Variants in NCEH1 observed in about 807,000 individuals in gnomAD.
The protein encoded by NCEH1 is neutral cholesterol ester hydrolase 1.
NCEH1 carries 9 observed loss-of-function variants against 25.4 expected under a neutral mutation model. The observed-to-expected ratio is 0.35, with a 90% CI of 0.21 to 0.62. The LOEUF is 0.62. NCEH1 is among the 20% of genes least tolerant of loss of function. The probability of loss-of-function intolerance (pLI) is 0.72; values close to 1 mark genes in which losing one functional copy is unlikely to be tolerated. For missense variants in NCEH1, 412 were observed against 501.1 expected, an observed-to-expected ratio of 0.82 and a Z score of 1.70; for synonymous variants, 200 against 199.8, an observed-to-expected ratio of 1.00 and a Z score of -0.01.
chr3:172,655,326 G>A (rs977568499), intron 1 of NCEH1, among the ~76,000 whole-genome samples: 1 of 152,208 alleles, frequency 6.6e-6, no homozygotes, highest in African/African-American at 2.4e-5. Flanking sequence ...GGGAATAAGG[G>A]TACTCATTAC....
rs373060548 is a variant in NCEH1 at position 172,651,326 on chromosome 3, T to A, written c.139-3212A>T. Among the ~76,000 whole-genome samples the A allele has an allele frequency of 5.3e-5, 8 of 152,336 alleles. No individual in the cohort carries two copies. In the East Asian group the frequency reaches 1.5e-3, roughly 29 times the overall value. On this transcript the variant is annotated intron_variant, in intron 1 of 4. Coordinates refer to ENST00000475381, the MANE Select transcript of NCEH1 (RefSeq NM_020792.6). Reference sequence around the variant, plus strand: ...TATCCAGTATGCGATAACATTTGCATGTCTATATGATATCAATGACAAACT... The same window carrying A: ...TATCCAGTATGCGATAACATTTGCAAGTCTATATGATATCAATGACAAACT...
chr3:172,658,146 A>G (rs1329310449), intron 1 of NCEH1, among the ~76,000 whole-genome samples: 3 of 152,156 alleles, frequency 2.0e-5, no homozygotes, highest in African/African-American at 7.2e-5. Context: ...CAAAACCAAG[A>G]TGGCAATGAG....
Position 172,636,078 on chromosome 3 carries a change from T to C in NCEH1, c.447A>G (p.Leu149=), listed in dbSNP as rs1178971903. ...GCTCAGGAAAATAAACCTTTGGAAC[T>C]AGCCTGTATCTGTAAAAACAAAAGT... ...NAVIVSIEYR[L]VPKVYFPEQI... Residue 149 remains leucine (L), a synonymous_variant, in exon 4 of 5, where the codon CTA becomes CTG. Coordinates refer to ENST00000475381, the MANE Select transcript of NCEH1 (RefSeq NM_020792.6). The C allele has an allele frequency of 1.2e-6, 2 of 1,612,892 alleles. No individual in the cohort carries two copies. Among genetic ancestry groups the C allele is most frequent in the South Asian group, 1.1e-5 (1 of 90,862 alleles).
At chr3:172,686,747 T>C (rs1398191294) in intron 1 of NCEH1, among the ~76,000 whole-genome samples, 1 of 152,190 alleles carries the variant, frequency 6.6e-6, no homozygotes, top group Non-Finnish European at 1.5e-5. Context: ...CATGCTAAAC[T>C]TTCCGCACTT....
intron 1 of NCEH1, among the ~76,000 whole-genome samples, chr3:172,702,374 C>T (rs1395963591): frequency 6.6e-6 from 1 of 152,188 alleles, no homozygotes; most frequent in Non-Finnish European, 1.5e-5. Flanking sequence ...TCCCCAGTGC[C>T]CAGGTCCACT....
chr3:172,710,874 G>A lies in NCEH1; in HGVS notation c.111C>T (p.Asp37=). The A allele has an allele frequency of 6.2e-7, 1 of 1,614,126 alleles. No homozygotes were observed. ...VSDPWKLMLL[D]ATFRGAQQVS... is the part of the protein sequence containing the mutation. ...CTTGCTGTGCACCCCGGAAAGTGGC[G>A]TCCAGCAGCATCAGCTTCCAGGGGT... Residue 37 remains aspartate, a synonymous_variant, in exon 1 of 5, where the codon GAC becomes GAT. Transcript: ENST00000475381.
At chr3:172,683,618 T>C (rs1221805454) in intron 1 of NCEH1, among the ~76,000 whole-genome samples, 1 of 152,056 alleles carries the variant, frequency 6.6e-6, no homozygotes, top group Non-Finnish European at 1.5e-5. Context: ...GTTGAAGTTA[T>C]AGTGAGCCGT....
rs1381909865 is a variant in NCEH1 at position 172,636,094 on chromosome 3, A to C, written c.438-7T>G. 5.6e-6 allele frequency: 9 copies of C among 1,608,912 alleles called. No individual in the cohort carries two copies. In the Admixed American group the frequency reaches 1.5e-4, roughly 27 times the overall value. On this transcript the variant is annotated splice_polypyrimidine_tract_variant and splice_region_variant and intron_variant, in intron 3 of 4. Coordinates refer to ENST00000475381, the MANE Select transcript of NCEH1 (RefSeq NM_020792.6). ...CTTTGGAACTAGCCTGTATCTGTAA[A>C]AACAAAAGTTGTATTCATTTAAGGC...
chr3:172,686,166 T>C (rs540103883), intron 1 of NCEH1, among the ~76,000 whole-genome samples: 6 of 152,326 alleles, frequency 3.9e-5, no homozygotes, highest in South Asian at 2.1e-4. Flanking sequence ...TGAGACTGCT[T>C]TGGGAAGGCC....
At chr3:172,690,570 G>A (rs553440276) in intron 1 of NCEH1, among the ~76,000 whole-genome samples, 47 of 152,176 alleles carry the variant, frequency 3.1e-4, no homozygotes, top group African/African-American at 9.2e-4. Context: ...CTACTTTTTA[G>A]GAATCTTCTG....
Position 172,633,623 on chromosome 3 carries a change from CG to C in NCEH1, c.1078del (p.Arg360ValfsTer9). 1 of 1,614,196 alleles carries C rather than the reference CG, an allele frequency of 6.2e-7. No homozygotes were observed. Among genetic ancestry groups the C allele is most frequent in the East Asian group, 2.2e-5 (1 of 44,884 alleles). On this transcript the variant is annotated frameshift_variant, in exon 5 of 5. Coordinates refer to ENST00000475381, the MANE Select transcript of NCEH1 (RefSeq NM_020792.6). LOFTEE classifies it high-confidence loss of function. ...LRDDGIMYAKRLESAGVEVTL... is the reference protein window; with the variant it reads ...LRDDGIMYAKXLESAGVEVTL... ...CACCTCCACACCGGCACTCTCCAAACGCTTGGCATACATGATGCCATCGTCT... is the reference window on the plus strand; with the variant it reads ...CACCTCCACACCGGCACTCTCCAAACCTTGGCATACATGATGCCATCGTCT...
chr3:172,671,506 T>TACACACACACAC (rs537504265), intron 1 of NCEH1, among the ~76,000 whole-genome samples: 36 of 143,248 alleles, frequency 2.5e-4, no homozygotes, highest in African/African-American at 5.8e-4. Flanking sequence ...CACATACACA[T>TACACACACACAC]ACACACACAC....
rs898778685 is a variant in NCEH1 at position 172,633,623 on chromosome 3, C to A, written c.1079G>T (p.Arg360Leu). 2 of 1,614,196 alleles carry A rather than the reference C, an allele frequency of 1.2e-6. No homozygotes were observed. ...LRDDGIMYAK[R>L]LESAGVEVTL... is the part of the protein sequence containing the mutation. ...CACCTCCACACCGGCACTCTCCAAA[C>A]GCTTGGCATACATGATGCCATCGTC... The change falls in exon 5 of 5, where the codon CGT becomes CTT. Residue 360 changes from arginine to leucine, a missense_variant. Physicochemically the swap from Arg to Leu is moderately radical, Grantham distance 102 (BLOSUM62 -2). Transcript: ENST00000475381.
rs533772896 is a variant in NCEH1 at position 172,649,946 on chromosome 3, T to C, written c.139-1832A>G. 4.6e-5 allele frequency among the ~76,000 whole-genome samples: 7 copies of C among 152,352 alleles called. No homozygotes were observed. The South Asian group carries it at 1.5e-3, about 32-fold the overall frequency. On this transcript the variant is annotated intron_variant, in intron 1 of 4. Coordinates refer to ENST00000475381, the MANE Select transcript of NCEH1 (RefSeq NM_020792.6). ...CAAATTACATGAGTTTCTTTAACTA[T>C]ATGAAGCTGTAAAACAAGTGAATTG... is the stretch of plus-strand genomic sequence containing the variant.
chr3:172,668,307 T>C (rs966981377), intron 1 of NCEH1, among the ~76,000 whole-genome samples: 3 of 143,646 alleles, frequency 2.1e-5, no homozygotes, highest in Non-Finnish European at 4.5e-5. Flanking sequence ...TAACCCTAAC[T>C]GGAACACCAA....
In NCEH1 at chr3:172,665,613, C is replaced by A. The variant is rs182309780; in HGVS notation, c.139-17499G>T. Among the ~76,000 whole-genome samples the A allele has an allele frequency of 3.8e-3, 574 of 152,306 alleles. 7 individuals are homozygous for A. The highest frequency in any genetic ancestry group is 0.013 in the African/African-American group (547 of 41,576). On this transcript the variant is annotated intron_variant, in intron 1 of 4. Coordinates refer to ENST00000475381, the MANE Select transcript of NCEH1 (RefSeq NM_020792.6). ...GGTGGAGTCTACAGAGGCAGGCAGG[C>A]CTCGTTGAGCTGTGGTGGGCTCCAC... is the stretch of plus-strand genomic sequence containing the variant.
intron 3 of NCEH1, among the ~76,000 whole-genome samples, chr3:172,642,602 AC>A (rs1179741945): frequency 2.8e-4 from 33 of 117,658 alleles, no homozygotes; most frequent in African/African-American, 9.3e-4. Context: ...TGCTATTTCT[AC>A]AAAAAAAAAA....
At chr3:172,669,406 T>G (rs1279578008) in intron 1 of NCEH1, among the ~76,000 whole-genome samples, 1 of 152,236 alleles carries the variant, frequency 6.6e-6, no homozygotes, top group African/African-American at 2.4e-5. Flanking sequence ...GAAGTAGAAC[T>G]ATTTTAGCTC....
chr3:172,652,477 A>G (rs758750631), intron 1 of NCEH1, among the ~76,000 whole-genome samples: 42 of 152,238 alleles, frequency 2.8e-4, no homozygotes, highest in Non-Finnish European at 5.4e-4. Flanking sequence ...AGTGATACCC[A>G]CATGGCTTCC....
Sources: allele counts gnomAD v4.1 joint callset (sites outside exome capture counted in the v4.1 genomes callset), GRCh38; gene constraint gnomAD v4.1.1; transcripts MANE v1.5; gene names NCBI Gene and HGNC (gene_info 2026-07-23, HGNC 2026-07-21).